The following FAM114A2 variants were observed in gnomAD, a reference collection of about 807,000 sequenced individuals.
FAM114A2 encodes family with sequence similarity 114 member A2, also known as protein FAM114A2.
In FAM114A2, 53 loss-of-function variants were observed where a neutral mutation model predicts 58.4. The ratio of observed to expected loss-of-function variants is 0.91; its 90% CI spans 0.73 to 1.14. The LOEUF is 1.14. FAM114A2 is among the 50% of genes most tolerant of loss of function. The probability of loss-of-function intolerance (pLI) is 0.00; values close to 1 mark genes in which losing one functional copy is unlikely to be tolerated. For synonymous variants in FAM114A2, 228 were observed against 211.4 expected, an observed-to-expected ratio of 1.08 and a Z score of -0.68; for missense variants, 601 against 581.1, an observed-to-expected ratio of 1.03 and a Z score of -0.35.
At chr5:154,005,715 T>C (rs1027215211) in intron 9 of FAM114A2, among the ~76,000 whole-genome samples, 3 of 152,240 alleles carry the variant, frequency 2.0e-5, no homozygotes, top group African/African-American at 7.2e-5. Context: ...GTTTCTTAAC[T>C]TGAGTTTCTG....
At chr5:154,011,190 C>A in intron 9 of FAM114A2, 51 bp downstream of exon 9, 1 of 1,353,112 alleles carries the variant, frequency 7.4e-7, no homozygotes, top group Non-Finnish European at 1.1e-6. Context: ...TCTTTATCCA[C>A]TACATTTTTA....
At chr5:154,014,261 A>G (rs987224174) in intron 8 of FAM114A2, among the ~76,000 whole-genome samples, 4 of 152,220 alleles carry the variant, frequency 2.6e-5, no homozygotes, top group African/African-American at 9.6e-5. Flanking sequence ...ACAAAAAAGA[A>G]AAAGTCCTGA....
chr5:154,004,213 T>C (rs914102465), intron 9 of FAM114A2, among the ~76,000 whole-genome samples: 12 of 152,248 alleles, frequency 7.9e-5, no homozygotes, highest in Non-Finnish European at 1.6e-4. Context: ...CTCCTGATAA[T>C]GAATCTAGTT....
intron 9 of FAM114A2, among the ~76,000 whole-genome samples, chr5:154,005,617 A>C (rs1770300581): frequency 6.6e-6 from 1 of 152,234 alleles, no homozygotes; most frequent in African/African-American, 2.4e-5. Context: ...GAATAGAGCC[A>C]TGCCTGAAGC....
At chr5:154,022,099 A>G (rs1771457600) in intron 8 of FAM114A2, among the ~76,000 whole-genome samples, 1 of 152,220 alleles carries the variant, frequency 6.6e-6, no homozygotes, top group Non-Finnish European at 1.5e-5. Context: ...ATATGGAGAA[A>G]GCTGAAACTG....
chr5:153,998,496 C>T (rs1171470323), intron 11 of FAM114A2, among the ~76,000 whole-genome samples: 1 of 152,094 alleles, frequency 6.6e-6, no homozygotes, highest in Admixed American at 6.5e-5. Context: ...AAATTAGGTC[C>T]CAGAGAACAC....
intron 5 of FAM114A2, 56 bp from the exon 6 acceptor site, chr5:154,028,339 A>G: frequency 1.7e-6 from 2 of 1,203,278 alleles, no homozygotes; most frequent in South Asian, 1.5e-5. Flanking sequence ...ATTTTTATGC[A>G]TTTTTATTAT....
intron 11 of FAM114A2, among the ~76,000 whole-genome samples, chr5:154,001,089 A>G (rs1769938021): frequency 6.6e-6 from 1 of 152,202 alleles, no homozygotes; most frequent in African/African-American, 2.4e-5. Flanking sequence ...CAATGGGAAC[A>G]TATCAGTGAA....
Position 154,011,317 on chromosome 5 carries a change from TC to T in FAM114A2, c.916del (p.Asp306MetfsTer8). The T allele has an allele frequency of 1.2e-6, 2 of 1,610,878 alleles. No individual in the cohort carries two copies. Among genetic ancestry groups the T allele is most frequent in the Non-Finnish European group, 1.7e-6 (2 of 1,178,220 alleles). On this transcript the variant is annotated frameshift_variant and splice_region_variant, in exon 9 of 14. Transcript: ENST00000351797. LOFTEE classifies it high-confidence loss of function. ...CEEEEEEKKG[D>X]EDFTKDITEL... ...TGTTATGTCCTTGGTAAAATCTTCA[TC>T]CCCTAAAAAACCAAGTCCCATATAA...
At chr5:154,026,346 T>C in intron 8 of FAM114A2, 53 bp downstream of exon 8, 1 of 1,378,720 alleles carries the variant, frequency 7.3e-7, no homozygotes, top group Non-Finnish European at 9.6e-7. Context: ...GGCAATGCAC[T>C]GCATACAAAC....
chr5:153,999,601 C>A (rs1470732597), intron 11 of FAM114A2, among the ~76,000 whole-genome samples: 3 of 150,824 alleles, frequency 2.0e-5, no homozygotes, highest in African/African-American at 7.3e-5. Context: ...CCACTGCACT[C>A]CAGCCTGAGT....
At chr5:153,998,807 G>A in intron 11 of FAM114A2, among the ~76,000 whole-genome samples, 1 of 152,198 alleles carries the variant, frequency 6.6e-6, no homozygotes, top group East Asian at 1.9e-4. Context: ...TTCTGTTACA[G>A]TAACATTAAA....
chr5:154,002,852 T>C lies in FAM114A2; in HGVS notation c.1111A>G (p.Ile371Val), dbSNP rs368257801. 1.1e-5 allele frequency: 18 copies of C among 1,614,088 alleles called. No homozygotes were observed. The highest frequency in any genetic ancestry group is 6.7e-5 in the African/African-American group (5 of 75,060). Reference protein sequence around the residue: ...ENTEQVNKNSIEDIHAFAIRS... With the variant: ...ENTEQVNKNSVEDIHAFAIRS... ...GGCTTAGTTGCTTTGGCTACCTCTATTGAATTTTTGTTGACTTGCTCAGTA... is the reference window on the plus strand; with the variant it reads ...GGCTTAGTTGCTTTGGCTACCTCTACTGAATTTTTGTTGACTTGCTCAGTA... Residue 371 changes from isoleucine to valine, a missense_variant, in exon 10 of 14, where the codon ATA becomes GTA. Ile to Val is a conservative substitution (Grantham distance 29). Transcript: ENST00000351797.
At chr5:154,008,572 T>C (rs1305737459) in intron 9 of FAM114A2, among the ~76,000 whole-genome samples, 2 of 152,188 alleles carry the variant, frequency 1.3e-5, no homozygotes, top group African/African-American at 4.8e-5. Context: ...TAAAATATTG[T>C]ATAAAATTAT....
At chr5:153,997,381 T>C (rs904905486) in intron 12 of FAM114A2, among the ~76,000 whole-genome samples, 3 of 152,152 alleles carry the variant, frequency 2.0e-5, no homozygotes, top group African/African-American at 7.2e-5. Context: ...ACAAATAAAA[T>C]GTGATATATA....
At position 153,997,793 on chromosome 5, in the gene FAM114A2, G is replaced by C. The variant is rs899157497; in HGVS notation, c.1329+10C>G. On this transcript the variant is annotated intron_variant, in intron 12 of 13. Coordinates refer to ENST00000351797, the MANE Select transcript of FAM114A2 (RefSeq NM_018691.4). The stretch of plus-strand genomic sequence containing the variant: ...CAAACATTATTGCAGTAAGAGGCAT[G>C]GATTCTTACCCCAGCAGTTGTTAGG... 2.0e-6 allele frequency: 3 copies of C among 1,508,540 alleles called. No individual in the cohort carries two copies. The African/African-American group carries it at 4.1e-5, about 21-fold the overall frequency. The allele number at this position is 1,508,540 out of a possible 1,614,324, so 93.4% of individuals were successfully genotyped here. A position where few individuals can be genotyped will look rare whatever the true frequency, so the allele number is the denominator to read the frequency against.
At chr5:154,020,462 A>G (rs543135653) in intron 8 of FAM114A2, among the ~76,000 whole-genome samples, 1 of 152,198 alleles carries the variant, frequency 6.6e-6, no homozygotes, top group African/African-American at 2.4e-5. Context: ...GATGAAGAGT[A>G]TATCACCACC....
intron 7 of FAM114A2, 33 bp downstream of exon 7, chr5:154,027,143 C>A: frequency 6.4e-7 from 1 of 1,569,198 alleles, no homozygotes; most frequent in Non-Finnish European, 8.7e-7. Context: ...TACTTGAAGA[C>A]TTTTTCCAGT....
chr5:154,015,097 T>C (rs919176000), intron 8 of FAM114A2, among the ~76,000 whole-genome samples: 7 of 152,100 alleles, frequency 4.6e-5, no homozygotes, highest in African/African-American at 1.4e-4. Context: ...ATAACTCCAT[T>C]GACCTGGACC....
Sources: gnomAD v4.1 joint callset for allele counts (sites outside exome capture counted in the v4.1 genomes callset) on GRCh38, gnomAD v4.1.1 for gene constraint, MANE v1.5 for transcripts, NCBI Gene and HGNC (gene_info 2026-07-23, HGNC 2026-07-21) for gene names.